Variants in CEP57 observed in about 807,000 individuals in gnomAD.
CEP57 encodes the protein centrosomal protein 57.
CEP57 carries 40 observed loss-of-function variants against 68.0 expected under a neutral mutation model. The ratio of observed to expected loss-of-function variants is 0.59; its 90% CI spans 0.46 to 0.77. The LOEUF (loss-of-function observed/expected upper bound fraction) is 0.77, where lower values mean the gene tolerates loss of function less well. Ranked by LOEUF, CEP57 falls within the 30% of genes least tolerant of loss-of-function variation. CEP57 has a pLI of 0.00. For synonymous variants in CEP57, 219 were observed against 198.7 expected, an observed-to-expected ratio of 1.10 and a Z score of -0.86; for missense variants, 606 against 580.7, an observed-to-expected ratio of 1.04 and a Z score of -0.45.
rs543314137 is a variant in CEP57, at chr11:95,791,445, T to G, written c.45+702T>G. Among the ~76,000 whole-genome samples, 13 of 152,180 alleles carry G rather than the reference T, an allele frequency of 8.5e-5. No homozygotes were observed. In the South Asian group the frequency reaches 2.1e-3, roughly 24 times the overall value. ...AAATTGGAGTGTCGAATGCTTAGGT[T>G]TTTGAAAACCGCGGCATTGGAAAGC... On this transcript the variant is annotated intron_variant, in intron 1 of 10. Coordinates refer to ENST00000325542, the MANE Select transcript of CEP57 (RefSeq NM_014679.5).
At chr11:95,790,441 A>C (rs768152869), upstream of CEP57, 1 of 576,546 alleles carries the variant, frequency 1.7e-6, no homozygotes, top group South Asian at 2.1e-5. Flanking sequence ...CTCCTACTAC[A>C]GAAAGACGTC....
rs749400630 is a variant in CEP57, at chr11:95,827,984, G to A, written c.1084G>A (p.Glu362Lys). 1.1e-5 allele frequency: 17 copies of A among 1,613,832 alleles called. No individual in the cohort carries two copies. The Admixed American group carries it at 2.8e-4, about 27-fold the overall frequency. ...SSNGINEELS[E>K]VLQTLQDEFG... Reference sequence around the variant, plus strand: ...CAACGGTATTAATGAGGAGTTGTCAGAAGTCTTACAGACTTTACAGGATGA... The same window carrying A: ...CAACGGTATTAATGAGGAGTTGTCAAAAGTCTTACAGACTTTACAGGATGA... Residue 362 changes from glutamate to lysine, a missense_variant, in exon 9 of 11, where the codon GAA becomes AAA. By Grantham distance (56) the Glu-to-Lys change is moderately conservative (BLOSUM62 1). Transcript: ENST00000325542.
At chr11:95,820,756 T>C (rs1172208626) in intron 6 of CEP57, among the ~76,000 whole-genome samples, 1 of 152,202 alleles carries the variant, frequency 6.6e-6, no homozygotes, top group Non-Finnish European at 1.5e-5. Context: ...AAAGTTCTTG[T>C]ATACTGTTTA....
chr11:95,829,020 C>T (rs879881811), intron 9 of CEP57, among the ~76,000 whole-genome samples, 167 bp from the exon 10 acceptor site: 1 of 147,818 alleles, frequency 6.8e-6, no homozygotes, highest in Non-Finnish European at 1.5e-5. Context: ...CCAGCCTGGG[C>T]GACAGAGCAA....
intron 1 of CEP57, among the ~76,000 whole-genome samples, chr11:95,796,430 C>T (rs1276496021): frequency 2.6e-5 from 4 of 152,102 alleles, no homozygotes; most frequent in African/African-American, 9.7e-5. Context: ...TTCTACGCAG[C>T]CTTCCTATGA....
rs1316353466 is a variant in CEP57 at position 95,827,863 on chromosome 11, G to A, written c.963G>A (p.Leu321=). The change falls in exon 9 of 11, where the codon TTG becomes TTA. Residue 321 remains leucine (L), a synonymous_variant. Coordinates refer to ENST00000325542, the MANE Select transcript of CEP57 (RefSeq NM_014679.5). ...TAATGAAGCAACACAGTAAAGCTTTGTGCAATGATCGAGTCATCAACAGTA... is the reference window on the plus strand; with the variant it reads ...TAATGAAGCAACACAGTAAAGCTTTATGCAATGATCGAGTCATCAACAGTA... ...LHLMKQHSKA[L]CNDRVINSIP... is the part of the protein sequence containing the mutation. 1 of 1,614,066 alleles carries A rather than the reference G, an allele frequency of 6.2e-7. No homozygotes were observed. The highest frequency in any genetic ancestry group is 1.1e-5 in the South Asian group (1 of 91,076).
chr11:95,810,457 G>A (rs1255163), intron 2 of CEP57, among the ~76,000 whole-genome samples: 8,429 of 152,164 alleles, frequency 0.055, 738 homozygotes, highest in African/African-American at 0.19. Context: ...AAACCCTATC[G>A]TCTCAGCCCA....
intron 2 of CEP57, among the ~76,000 whole-genome samples, chr11:95,804,295 G>A (rs889505336): frequency 1.3e-5 from 2 of 152,124 alleles, no homozygotes; most frequent in African/African-American, 2.4e-5. Flanking sequence ...ATAATACCTA[G>A]TTTAAAAGTG....
rs1232889845 is a variant in CEP57, at chr11:95,832,494, T to C, written c.*1238T>C. ...CTCTCCTGAAATTGTAAACTTGTGC[T>C]TCTGTGTCCAGTTTTCTAATGAGTA... On this transcript the variant is annotated 3_prime_UTR_variant, in exon 11 of 11. Coordinates refer to ENST00000325542, the MANE Select transcript of CEP57 (RefSeq NM_014679.5). 1 of 152,170 alleles carries C rather than the reference T, an allele frequency of 6.6e-6. No homozygotes were observed. Among genetic ancestry groups the C allele is most frequent in the East Asian group, 1.9e-4 (1 of 5,208 alleles). The allele number at this position is 152,170 out of a possible 1,614,324, so 9.4% of individuals were successfully genotyped here. A position where few individuals can be genotyped will look rare whatever the true frequency, so the allele number is the denominator to read the frequency against.
rs1269849943 is a variant in CEP57 at position 95,799,272 on chromosome 11, T to G, written c.86T>G (p.Val29Gly). ...CCATCAAGGTCTAATGGAAGCATGG[T>G]TCGGCATTCTTCATCTCCATATGTA... ...AEPSRSNGSM[V>G]RHSSSPYVVY... The change falls in exon 2 of 11, where the codon GTT becomes GGT. Residue 29 changes from valine (V) to glycine (G), a missense_variant. By Grantham distance (109) the Val-to-Gly change is moderately radical. Transcript: ENST00000325542. The G allele has an allele frequency of 1.2e-6, 2 of 1,614,138 alleles. No individual in the cohort carries two copies. The highest frequency in any genetic ancestry group is 2.7e-5 in the African/African-American group (2 of 75,064).
intron 6 of CEP57, among the ~76,000 whole-genome samples, chr11:95,819,611 A>G (rs1170013658): frequency 2.0e-5 from 3 of 151,798 alleles, no homozygotes; most frequent in Non-Finnish European, 4.4e-5. Flanking sequence ...CCTCCCAGAT[A>G]CTCCCCTGCC....
chr11:95,796,835 G>T (rs977250843), intron 1 of CEP57, among the ~76,000 whole-genome samples: 2 of 152,216 alleles, frequency 1.3e-5, no homozygotes, highest in Middle Eastern at 6.8e-3. Flanking sequence ...TCCAAGAACG[G>T]CTCACAGTAC....
intron 3 of CEP57, 50 bp downstream of exon 3, chr11:95,813,161 T>C (rs1419410008): frequency 1.3e-6 from 2 of 1,547,902 alleles, no homozygotes; most frequent in Non-Finnish European, 1.8e-6. Context: ...TGTTGTGCAG[T>C]ATTAAGTATT....
chr11:95,806,385 A>C (rs1861801384), intron 2 of CEP57, among the ~76,000 whole-genome samples: 1 of 152,078 alleles, frequency 6.6e-6, no homozygotes, highest in Non-Finnish European at 1.5e-5. Flanking sequence ...TCAGACAGTG[A>C]GTGCAGTCCA....
intron 6 of CEP57, among the ~76,000 whole-genome samples, chr11:95,821,330 A>G (rs1162563527): frequency 6.6e-6 from 1 of 152,212 alleles, no homozygotes; most frequent in African/African-American, 2.4e-5. Flanking sequence ...TTAAATTAGT[A>G]TAGTTACTCA....
At chr11:95,790,311 G>A, upstream of CEP57, 1 of 326,102 alleles carries the variant, frequency 3.1e-6, no homozygotes, top group Non-Finnish European at 5.8e-6. Flanking sequence ...GCTTCTTACT[G>A]GAGGAGGCCC....
At chr11:95,829,430 A>T in intron 10 of CEP57, 99 bp downstream of exon 10, 1 of 1,222,302 alleles carries the variant, frequency 8.2e-7, no homozygotes, top group Non-Finnish European at 1.2e-6. Context: ...TCATAGATAA[A>T]TATCTACAGG....
chr11:95,822,514 T>A lies in CEP57; in HGVS notation c.823T>A (p.Tyr275Asn). The A allele has an allele frequency of 6.2e-7, 1 of 1,613,402 alleles. No homozygotes were observed. The change falls in exon 8 of 11, where the codon TAT becomes AAT. Residue 275 changes from tyrosine (Y) to asparagine (N), a missense_variant. Tyr to Asn is a moderately radical substitution (Grantham distance 143). Coordinates refer to ENST00000325542, the MANE Select transcript of CEP57 (RefSeq NM_014679.5). ...TTTCATTCAGAAAAGTTCTAGGAACTATTTTGGTGCACAACCACATTATAG... is the reference window on the plus strand; with the variant it reads ...TTTCATTCAGAAAAGTTCTAGGAACAATTTTGGTGCACAACCACATTATAG... The part of the protein sequence containing the change: ...KPPEKKSSRN[Y>N]FGAQPHYRLC...
intron 1 of CEP57, among the ~76,000 whole-genome samples, chr11:95,793,611 A>G (rs781062041): frequency 3.6e-4 from 55 of 152,184 alleles, no homozygotes; most frequent in Non-Finnish European, 7.3e-4. Flanking sequence ...ATTATAATGT[A>G]TGGTATTTAT....
Sources: allele counts gnomAD v4.1 joint callset (sites outside exome capture counted in the v4.1 genomes callset), GRCh38; gene constraint gnomAD v4.1.1; transcripts MANE v1.5; gene names NCBI Gene and HGNC (gene_info 2026-07-23, HGNC 2026-07-21).